Variants in GLT1D1 observed in about 807,000 individuals in gnomAD.
The protein encoded by GLT1D1 is glycosyltransferase 1 domain-containing protein 1.
GLT1D1 carries 21 observed loss-of-function variants against 28.7 expected under a neutral mutation model. The observed-to-expected ratio is 0.73, with a 90% CI of 0.52 to 1.05. The LOEUF (loss-of-function observed/expected upper bound fraction) is 1.05. GLT1D1 is among the 50% of genes least tolerant of loss of function. The probability of loss-of-function intolerance (pLI) is 0.00; values close to 1 mark genes in which losing one functional copy is unlikely to be tolerated. For missense variants in GLT1D1, 343 were observed against 330.6 expected (o/e 1.04, Z -0.29); for synonymous variants, 147 against 124.8 (o/e 1.18, Z -1.19).
At chr12:128,879,388 T>TTCTTTCTTTCTTTCTTTCTC (rs1956957866) in intron 2 of GLT1D1, among the ~76,000 whole-genome samples, 1 of 58,226 alleles carries the variant, frequency 1.7e-5, no homozygotes, top group African/African-American at 8.1e-5. Context: ...TTTTCTTTCT[T>TTCTTTCTTTCTTTCTTTCTC]TCTTTCTTTC....
At chr12:128,955,097 A>G (rs2135510102) in intron 6 of GLT1D1, among the ~76,000 whole-genome samples, 1 of 152,332 alleles carries the variant, frequency 6.6e-6, no homozygotes, top group East Asian at 1.9e-4. Flanking sequence ...TTGACCCAAG[A>G]TGGTACAACT....
At chr12:128,865,494 C>T (rs975306087) in intron 1 of GLT1D1, among the ~76,000 whole-genome samples, 4 of 152,036 alleles carry the variant, frequency 2.6e-5, no homozygotes, top group Non-Finnish European at 5.9e-5. Flanking sequence ...TTCCAAGCAA[C>T]TACAGATCAA....
At chr12:128,973,953 G>A (rs1191494088) in intron 7 of GLT1D1, among the ~76,000 whole-genome samples, 1 of 146,004 alleles carries the variant, frequency 6.8e-6, no homozygotes, top group African/African-American at 2.6e-5. Context: ...GTGTGTGTGG[G>A]GGGGGCGCTT....
At chr12:128,905,274 C>T (rs1480470100) in intron 4 of GLT1D1, among the ~76,000 whole-genome samples, 2 of 152,246 alleles carry the variant, frequency 1.3e-5, no homozygotes, top group Non-Finnish European at 2.9e-5. Flanking sequence ...GTGTATTTTA[C>T]ACTCACAGCA....
intron 4 of GLT1D1, among the ~76,000 whole-genome samples, chr12:128,936,274 C>A (rs1314806060): frequency 6.6e-6 from 1 of 151,638 alleles, no homozygotes; most frequent in Non-Finnish European, 1.5e-5. Flanking sequence ...CCTGCCTCAG[C>A]CTCCCGAGTA....
intron 3 of GLT1D1, among the ~76,000 whole-genome samples, chr12:128,899,004 G>GA (rs1483200950): frequency 6.6e-6 from 1 of 152,100 alleles, no homozygotes; most frequent in East Asian, 1.9e-4. Flanking sequence ...GGAAGGAAGA[G>GA]AAAAAATAGG....
At chr12:128,964,220 A>G (rs1209182807) in intron 7 of GLT1D1, among the ~76,000 whole-genome samples, 7 of 152,206 alleles carry the variant, frequency 4.6e-5, no homozygotes, top group Admixed American at 2.0e-4. Context: ...TGTCTCTACA[A>G]AAAAAGTAAA....
Position 128,928,018 on chromosome 12 carries a change from A to C in GLT1D1, c.376-17308A>C, listed in dbSNP as rs1280487390. Among the ~76,000 whole-genome samples the C allele has an allele frequency of 1.3e-4, 19 of 150,134 alleles. No individual in the cohort carries two copies. The East Asian group carries it at 2.1e-3, about 17-fold the overall frequency. ...CTGTCTCAAAAAAAAAAAAAAAAAA[A>C]AAAAAAACAAAAAAGAATAGAAAAA... On this transcript the variant is annotated intron_variant, in intron 4 of 7. Coordinates refer to ENST00000281703, the MANE Select transcript of GLT1D1 (RefSeq NM_144669.3).
chr12:128,918,181 C>T (rs1439440489), intron 4 of GLT1D1, among the ~76,000 whole-genome samples: 1 of 152,158 alleles, frequency 6.6e-6, no homozygotes, highest in Non-Finnish European at 1.5e-5. Context: ...AGCTGGAAGC[C>T]GTTATCCTCA....
At chr12:128,864,783 G>A (rs1041957899) in intron 1 of GLT1D1, among the ~76,000 whole-genome samples, 6 of 152,138 alleles carry the variant, frequency 3.9e-5, no homozygotes, top group Non-Finnish European at 5.9e-5. Flanking sequence ...TGTTGGGGAG[G>A]GGTGAGCTGG....
chr12:128,963,947 A>G (rs986820686), intron 7 of GLT1D1, among the ~76,000 whole-genome samples: 1 of 152,212 alleles, frequency 6.6e-6, no homozygotes, highest in African/African-American at 2.4e-5. Context: ...GTAACAGAAT[A>G]CTATAGACTG....
intron 1 of GLT1D1, 106 bp from the exon 2 acceptor site, chr12:128,875,808 A>G: frequency 9.2e-7 from 1 of 1,090,834 alleles, no homozygotes; most frequent in Non-Finnish European, 1.3e-6. Context: ...CTCAACAACA[A>G]CAACAACAAC....
At chr12:128,944,291 G>T in intron 4 of GLT1D1, 1 of 653,546 alleles carries the variant, frequency 1.5e-6, no homozygotes, top group South Asian at 1.4e-5. Context: ...GAAGCTTCCT[G>T]GCTTGTTTGA....
chr12:128,968,873 C>T (rs543510150), intron 7 of GLT1D1, among the ~76,000 whole-genome samples: 6 of 152,152 alleles, frequency 3.9e-5, no homozygotes, highest in Admixed American at 2.0e-4. Flanking sequence ...AGCCTGAGCT[C>T]GGGCAGCGCC....
At chr12:128,896,026 C>T (rs1196464220) in intron 3 of GLT1D1, among the ~76,000 whole-genome samples, 3 of 152,140 alleles carry the variant, frequency 2.0e-5, no homozygotes, top group Admixed American at 6.5e-5. Flanking sequence ...GAGGACCGGA[C>T]CATTCAGCTT....
chr12:128,916,679 T>TTGTG (rs147642296), intron 4 of GLT1D1, among the ~76,000 whole-genome samples: 1 of 152,120 alleles, frequency 6.6e-6, no homozygotes, highest in Admixed American at 6.6e-5. Context: ...GTCTAGCCAA[T>TTGTG]TGTGTGTGTG....
intron 3 of GLT1D1, among the ~76,000 whole-genome samples, chr12:128,893,099 G>T (rs1377722641): frequency 1.3e-5 from 2 of 152,046 alleles, no homozygotes; most frequent in Non-Finnish European, 2.9e-5. Flanking sequence ...ACAAAAATTA[G>T]CTGGGCATGG....
intron 6 of GLT1D1, among the ~76,000 whole-genome samples, chr12:128,956,248 T>G (rs1404704942): frequency 6.7e-6 from 1 of 150,000 alleles, no homozygotes; most frequent in Non-Finnish European, 1.5e-5. Context: ...CCAAGTATCA[T>G]AGCTCAGCCT....
intron 4 of GLT1D1, among the ~76,000 whole-genome samples, chr12:128,910,696 T>C (rs1219012602): frequency 2.6e-5 from 4 of 151,676 alleles, no homozygotes; most frequent in Non-Finnish European, 5.9e-5. Context: ...TTTTTTTTTT[T>C]CATTAAAGTT....
Sources: allele counts gnomAD v4.1 joint callset (sites outside exome capture counted in the v4.1 genomes callset), GRCh38; gene constraint gnomAD v4.1.1; transcripts MANE v1.5; gene names NCBI Gene and HGNC (gene_info 2026-07-23, HGNC 2026-07-21).